FABP6: variants seen among roughly 807,000 people sequenced by gnomAD.
FABP6 encodes the protein fatty acid binding protein 6, also known as gastrotropin.
A neutral mutation model predicts 14.9 loss-of-function variants in FABP6; 13 were observed. The observed-to-expected ratio is 0.87, with a 90% CI of 0.57 to 1.39. The LOEUF is 1.39. Ranked by LOEUF, FABP6 falls within the 40% of genes most tolerant of loss-of-function variation. The probability of loss-of-function intolerance (pLI) is 0.00; values close to 1 mark genes in which losing one functional copy is unlikely to be tolerated. For missense variants in FABP6, 161 were observed against 167.2 expected (o/e 0.96, Z 0.20); for synonymous variants, 75 against 63.6 (o/e 1.18, Z -0.85).
intron 2 of FABP6, among the ~76,000 whole-genome samples, chr5:160,200,773 C>T (rs555334302): frequency 6.6e-6 from 1 of 152,266 alleles, no homozygotes; most frequent in South Asian, 2.1e-4. Flanking sequence ...CTGTGTTCTC[C>T]TGCCATGGGC....
At chr5:160,223,167 C>T (rs1308273124) in intron 3 of FABP6, among the ~76,000 whole-genome samples, 1 of 152,076 alleles carries the variant, frequency 6.6e-6, no homozygotes, top group Admixed American at 6.6e-5. Flanking sequence ...TCTGTCAGCA[C>T]CATTTTTCAC....
chr5:160,207,563 A>C lies in FABP6; in HGVS notation c.52-6173A>C, dbSNP rs115380091. On this transcript the variant is annotated intron_variant, in intron 2 of 6. Coordinates refer to the FABP6 transcript ENST00000393980. ...AATGTCATGTTTCCAAGTTTAATAAAAAGTATTTCCAAAACAGTACATATG... is the reference window on the plus strand; with the variant it reads ...AATGTCATGTTTCCAAGTTTAATAACAAGTATTTCCAAAACAGTACATATG... Among the ~76,000 whole-genome samples, 592 of 152,346 alleles carry C rather than the reference A, an allele frequency of 3.9e-3. 4 individuals are homozygous for C. Among genetic ancestry groups the C allele is most frequent in the African/African-American group, 0.014 (567 of 41,580 alleles).
chr5:160,219,651 G>A (rs886531174), intron 3 of FABP6, among the ~76,000 whole-genome samples: 1 of 149,806 alleles, frequency 6.7e-6, no homozygotes, highest in African/African-American at 2.5e-5. Flanking sequence ...CTCCCATCCT[G>A]CCTTGGACAC....
intron 2 of FABP6, among the ~76,000 whole-genome samples, chr5:160,208,524 T>C (rs1759816773): frequency 6.6e-6 from 1 of 152,154 alleles, no homozygotes; most frequent in Non-Finnish European, 1.5e-5. Context: ...TACTACCCCA[T>C]GTAACTATAG....
chr5:160,218,873 C>T (rs1198758594), intron 3 of FABP6, among the ~76,000 whole-genome samples: 1 of 151,958 alleles, frequency 6.6e-6, no homozygotes, highest in East Asian at 1.9e-4. Context: ...ATCCTCCCAC[C>T]TCAGCCTCCT....
At chr5:160,224,221 G>A (rs1285169048) in intron 3 of FABP6, among the ~76,000 whole-genome samples, 1 of 151,950 alleles carries the variant, frequency 6.6e-6, no homozygotes, top group African/African-American at 2.4e-5. Context: ...GGGCGAAAGG[G>A]CGAGACTCCA....
At chr5:160,231,504 T>C (rs1471250911) in intron 1 of FABP6, among the ~76,000 whole-genome samples, 1 of 152,172 alleles carries the variant, frequency 6.6e-6, no homozygotes, top group Non-Finnish European at 1.5e-5. Flanking sequence ...AGTGATTCTT[T>C]TGCCTCAGCC....
At chr5:160,188,748 A>G (rs1759340791) in intron 1 of FABP6, among the ~76,000 whole-genome samples, 1 of 152,070 alleles carries the variant, frequency 6.6e-6, no homozygotes, top group Non-Finnish European at 1.5e-5. Flanking sequence ...TGGGCCTCAG[A>G]TTTTCTCATC....
rs1759630032 is a variant in FABP6, at chr5:160,201,126, C to T, written c.51+1969C>T. ...ATCCCTACAGTTTGGTAAGCTGAGG[C>T]AGGAGGATCACTTGAGCCCAGAAGT... On this transcript the variant is annotated intron_variant, in intron 2 of 6. Coordinates refer to the FABP6 transcript ENST00000393980. Among the ~76,000 whole-genome samples the T allele has an allele frequency of 2.0e-5, 3 of 152,042 alleles. No individual in the cohort carries two copies. The South Asian group carries it at 6.2e-4, about 31-fold the overall frequency.
Position 160,223,854 on chromosome 5 carries a change from C to T in FABP6, c.136-5692C>T, listed in dbSNP as rs373519806. ...ATGCTTTATGCCTGTAATCCCAGCA[C>T]TTTGGGAGGCCAAGGTGGGAGGATC... On this transcript the variant is annotated intron_variant, in intron 3 of 6. Transcript: ENST00000393980. Among the ~76,000 whole-genome samples, 7 of 151,370 alleles carry T rather than the reference C, an allele frequency of 4.6e-5. No individual in the cohort carries two copies. In the East Asian group the frequency reaches 1.4e-3, roughly 30 times the overall value.
chr5:160,232,385 C>A, intron 2 of FABP6, 112 bp downstream of exon 2: 1 of 1,140,834 alleles, frequency 8.8e-7, no homozygotes, highest in South Asian at 1.7e-5. Context: ...GTTTGGCCTC[C>A]AGCATTAGGA....
intron 3 of FABP6, among the ~76,000 whole-genome samples, chr5:160,237,513 TAGAC>T (rs1760543270): frequency 6.6e-6 from 1 of 151,970 alleles, no homozygotes; most frequent in African/African-American, 2.4e-5. Flanking sequence ...TCTCCACCAA[TAGAC>T]AGTGCATTTT....
intron 1 of FABP6, among the ~76,000 whole-genome samples, chr5:160,189,619 C>G (rs1759357282): frequency 6.6e-6 from 1 of 152,036 alleles, no homozygotes; most frequent in Non-Finnish European, 1.5e-5. Flanking sequence ...GTCTGTAATT[C>G]CAGCACTTTG....
chr5:160,226,687 A>G (rs1402488117), upstream of FABP6, among the ~76,000 whole-genome samples: 1 of 152,186 alleles, frequency 6.6e-6, no homozygotes, highest in Non-Finnish European at 1.5e-5. Context: ...TGTTCTGAAG[A>G]TTAAATAAGA....
chr5:160,198,518 G>A (rs969717026), intron 1 of FABP6: 5 of 152,540 alleles, frequency 3.3e-5, no homozygotes, highest in Non-Finnish European at 5.8e-5. Context: ...AAATTGGATC[G>A]TGCCATCCCC....
chr5:160,213,915 C>G, intron 3 of FABP6: 1 of 990,388 alleles, frequency 1.0e-6, no homozygotes, highest in Non-Finnish European at 1.6e-6. Flanking sequence ...TATCCCTGGG[C>G]TCCTTGAGAT....
chr5:160,198,245 G>C (rs1025260731), intron 1 of FABP6: 1 of 152,170 alleles, frequency 6.6e-6, no homozygotes, highest in Admixed American at 6.6e-5. Flanking sequence ...GATGATTCAG[G>C]CCAGAAGGGG....
chr5:160,204,496 TAG>T, intron 2 of FABP6, among the ~76,000 whole-genome samples: 1 of 151,418 alleles, frequency 6.6e-6, no homozygotes, highest in South Asian at 2.1e-4. Flanking sequence ...TTTCCTTTTT[TAG>T]GGGGGGTGGG....
chr5:160,195,333 C>T (rs535289230), intron 1 of FABP6, among the ~76,000 whole-genome samples: 1 of 148,984 alleles, frequency 6.7e-6, no homozygotes, highest in South Asian at 2.2e-4. Flanking sequence ...CTGAGGCCAG[C>T]ACAAGGGGTT....
Sources: gnomAD v4.1 joint callset for allele counts (sites outside exome capture counted in the v4.1 genomes callset) on GRCh38, gnomAD v4.1.1 for gene constraint, MANE v1.5 for transcripts, NCBI Gene and HGNC (gene_info 2026-07-23, HGNC 2026-07-21) for gene names.